LMTK2: variants seen among roughly 807,000 people sequenced by gnomAD.
LMTK2 encodes the protein serine/threonine-protein kinase LMTK2.
In LMTK2, 37 loss-of-function variants were observed where a neutral mutation model predicts 127.5. The observed-to-expected ratio is 0.29, with a 90% confidence interval of 0.22 to 0.38. The LOEUF is 0.38. Ranked by LOEUF, LMTK2 falls within the 10% of genes least tolerant of loss-of-function variation. LMTK2 has a pLI of 1.00. For synonymous variants in LMTK2, 819 were observed against 810.1 expected, an observed-to-expected ratio of 1.01 and a Z score of -0.19; for missense variants, 1,694 against 1,920.3, an observed-to-expected ratio of 0.88 and a Z score of 2.20.
chr7:98,150,089 C>T (rs2116384920), intron 3 of LMTK2, among the ~76,000 whole-genome samples: 1 of 152,074 alleles, frequency 6.6e-6, no homozygotes, highest in Admixed American at 6.5e-5. Flanking sequence ...GCGGGCGGAT[C>T]ACAAGGTTAG....
At chr7:98,125,176 G>A (rs1446943539) in intron 1 of LMTK2, among the ~76,000 whole-genome samples, 2 of 151,892 alleles carry the variant, frequency 1.3e-5, no homozygotes, top group South Asian at 2.1e-4. Flanking sequence ...GGTGGCGGGC[G>A]CCTGTAGTCC....
In LMTK2 at chr7:98,193,660, C is replaced by T. The variant is rs777084457; in HGVS notation, c.3195C>T (p.Ser1065=). 2.4e-5 allele frequency: 39 copies of T among 1,613,672 alleles called. No homozygotes were observed. Among genetic ancestry groups the T allele is most frequent in the East Asian group, 8.9e-5 (4 of 44,882 alleles). Residue 1065 remains serine, a synonymous_variant, in exon 11 of 14, where the codon AGC becomes AGT. Coordinates refer to ENST00000297293, the MANE Select transcript of LMTK2 (RefSeq NM_014916.4). This position sits in a 1 kb window ranked among gnomAD's most constrained non-coding sequence, Gnocchi z 4.1. ...EPATTGDGGH[S]GLPPNPVIVI... ...CCACCACGGGCGATGGCGGCCACAGCGGTCTGCCTCCCAACCCGGTCATTG... is the reference window on the plus strand; with the variant it reads ...CCACCACGGGCGATGGCGGCCACAGTGGTCTGCCTCCCAACCCGGTCATTG...
chr7:98,143,667 T>G (rs1796729439), intron 3 of LMTK2, among the ~76,000 whole-genome samples: 1 of 152,160 alleles, frequency 6.6e-6, no homozygotes, highest in Non-Finnish European at 1.5e-5. Context: ...TCTCATCCAC[T>G]AGGATTAGTG....
At position 98,186,860 on chromosome 7, in the gene LMTK2, G is replaced by A; in HGVS notation, c.877-17G>A. On this transcript the variant is annotated splice_polypyrimidine_tract_variant and intron_variant, in intron 8 of 13. Coordinates refer to ENST00000297293, the MANE Select transcript of LMTK2 (RefSeq NM_014916.4). ...TATAATTCTATTCAAAATTCTGTGT[G>A]CTTTCTAACAAAACAGGAGGATTAT... The A allele has an allele frequency of 1.2e-6, 2 of 1,606,542 alleles. No homozygotes were observed. The highest frequency in any genetic ancestry group is 1.7e-6 in the Non-Finnish European group (2 of 1,175,442).
intron 1 of LMTK2, among the ~76,000 whole-genome samples, chr7:98,109,900 T>A (rs1796175733): frequency 6.6e-6 from 1 of 152,146 alleles, no homozygotes; most frequent in African/African-American, 2.4e-5. Context: ...ACCTTTAAGC[T>A]AATCCTGACT....
intron 1 of LMTK2, among the ~76,000 whole-genome samples, chr7:98,120,823 T>A (rs1026982649): frequency 7.9e-5 from 12 of 152,216 alleles, no homozygotes; most frequent in African/African-American, 2.9e-4. Flanking sequence ...TGATTGCTGG[T>A]AAGGCACTGA....
At chr7:98,181,204 T>C (rs1257556392) in intron 7 of LMTK2, among the ~76,000 whole-genome samples, 3 of 152,226 alleles carry the variant, frequency 2.0e-5, no homozygotes, top group African/African-American at 7.2e-5. Context: ...GAGAACTCTA[T>C]TGTACTGAGC....
intron 3 of LMTK2, 65 bp from the exon 4 acceptor site, chr7:98,151,316 CT>C: frequency 9.2e-7 from 1 of 1,082,944 alleles, no homozygotes; most frequent in Non-Finnish European, 1.3e-6. Flanking sequence ...AGTGTTCATA[CT>C]TTATAGGTTA....
intron 3 of LMTK2, among the ~76,000 whole-genome samples, chr7:98,145,553 G>C (rs1224676960): frequency 1.3e-5 from 2 of 152,100 alleles, no homozygotes; most frequent in Non-Finnish European, 2.9e-5. Context: ...TCCAACTTCA[G>C]CTTTCCTTAT....
At chr7:98,108,841 A>G (rs1040544913) in intron 1 of LMTK2, among the ~76,000 whole-genome samples, 13 of 144,512 alleles carry the variant, frequency 9.0e-5, no homozygotes, top group Admixed American at 7.7e-4. Context: ...ATAGGAACCT[A>G]TGTCTGCCTG....
At chr7:98,133,775 C>G (rs1239386180) in intron 1 of LMTK2, among the ~76,000 whole-genome samples, 1 of 152,018 alleles carries the variant, frequency 6.6e-6, no homozygotes, top group Non-Finnish European at 1.5e-5. Flanking sequence ...TGGTCTTAAC[C>G]TGGTTATACT....
chr7:98,133,823 A>G (rs113385469), intron 1 of LMTK2, among the ~76,000 whole-genome samples: 2 of 152,206 alleles, frequency 1.3e-5, no homozygotes, highest in Non-Finnish European at 2.9e-5. Context: ...GGACACTTTC[A>G]TGAATCAGAT....
intron 1 of LMTK2, among the ~76,000 whole-genome samples, chr7:98,132,026 C>G (rs940229102): frequency 6.6e-6 from 1 of 152,108 alleles, no homozygotes; most frequent in Non-Finnish European, 1.5e-5. Flanking sequence ...TGGAACAACC[C>G]AGGGAACAAG....
chr7:98,109,842 C>T (rs1336897760), intron 1 of LMTK2, among the ~76,000 whole-genome samples: 1 of 151,422 alleles, frequency 6.6e-6, no homozygotes. Flanking sequence ...TCCTCGTTAG[C>T]TGAGGTGGGT....
chr7:98,144,768 A>T (rs1396532575), intron 3 of LMTK2, among the ~76,000 whole-genome samples: 5 of 150,194 alleles, frequency 3.3e-5, no homozygotes, highest in Non-Finnish European at 7.4e-5. Context: ...TTTTACTCAA[A>T]GGTGTCATGG....
At chr7:98,187,248 A>G (rs1797449657) in intron 9 of LMTK2, among the ~76,000 whole-genome samples, 1 of 152,196 alleles carries the variant, frequency 6.6e-6, no homozygotes, top group South Asian at 2.1e-4. Context: ...TCTGTTTCAT[A>G]TTCTGTGCCT....
chr7:98,209,296 A>T lies in LMTK2; in HGVS notation c.*3804A>T, dbSNP rs1020652060. 6 of 152,194 alleles carry T rather than the reference A, an allele frequency of 3.9e-5. No homozygotes were observed. Among genetic ancestry groups the T allele is most frequent in the Admixed American group, 2.6e-4 (4 of 15,280 alleles). The allele number at this position is 152,194 out of a possible 1,614,324, so 9.4% of individuals were successfully genotyped here. ...GAATTACCAACAGCCTGTGAAGATCAGTTTGACCGGTGTGGACACGTGCTG... is the reference window on the plus strand; with the variant it reads ...GAATTACCAACAGCCTGTGAAGATCTGTTTGACCGGTGTGGACACGTGCTG... On this transcript the variant is annotated 3_prime_UTR_variant, in exon 14 of 14. Coordinates refer to ENST00000297293, the MANE Select transcript of LMTK2 (RefSeq NM_014916.4).
rs78611527 is a variant in LMTK2, at chr7:98,195,683, C to T, written c.4107+1111C>T. On this transcript the variant is annotated intron_variant, in intron 11 of 13. Coordinates refer to ENST00000297293, the MANE Select transcript of LMTK2 (RefSeq NM_014916.4). ...TGGGAACCCAGACCTTGGTCTCAGC[C>T]CCTGCGTGGCACCATCCCTCATGGG... 7.5e-3 allele frequency among the ~76,000 whole-genome samples: 1,145 copies of T among 152,226 alleles called. 16 individuals carry two copies. Among genetic ancestry groups the T allele is most frequent in the African/African-American group, 0.025 (1,059 of 41,536 alleles).
intron 9 of LMTK2, among the ~76,000 whole-genome samples, chr7:98,189,481 T>C (rs1400170436): frequency 6.6e-6 from 1 of 152,072 alleles, no homozygotes; most frequent in Non-Finnish European, 1.5e-5. Context: ...TGGGGAACTT[T>C]TTAAAACGTG....
Sources: gnomAD v4.1 joint callset for allele counts (sites outside exome capture counted in the v4.1 genomes callset) on GRCh38, gnomAD v4.1.1 for gene constraint, Gnocchi (gnomAD v3.1) non-coding constraint, MANE v1.5 for transcripts, NCBI Gene and HGNC (gene_info 2026-07-23, HGNC 2026-07-21) for gene names.